The following HECW2 variants were observed in gnomAD, a reference collection of about 807,000 sequenced individuals.
HECW2 encodes the protein HECT, C2 and WW domain containing E3 ubiquitin protein ligase 2, also known as E3 ubiquitin-protein ligase HECW2.
A neutral mutation model predicts 175.2 loss-of-function variants in HECW2; 61 were observed. That is an observed-to-expected ratio of 0.35 (90% CI 0.28 to 0.43). HECW2 has a LOEUF of 0.43. Ranked by LOEUF, HECW2 falls within the 20% of genes least tolerant of loss-of-function variation. The probability of loss-of-function intolerance (pLI) is 1.00; values close to 1 mark genes in which losing one functional copy is unlikely to be tolerated. For synonymous variants in HECW2, 671 were observed against 731.0 expected (o/e 0.92, Z 1.32); for missense variants, 1,524 against 2,000.5 (o/e 0.76, Z 4.54).
At chr2:196,442,095 G>T (rs937492454) in intron 1 of HECW2, among the ~76,000 whole-genome samples, 2 of 151,754 alleles carry the variant, frequency 1.3e-5, no homozygotes, top group Non-Finnish European at 2.9e-5. Context: ...TCAAGATGTT[G>T]GTTTAGCTTT....
At chr2:196,349,421 G>A (rs1234233074) in intron 2 of HECW2, among the ~76,000 whole-genome samples, 3 of 152,040 alleles carry the variant, frequency 2.0e-5, no homozygotes, top group Non-Finnish European at 4.4e-5. Flanking sequence ...ATTTTGTTTG[G>A]TAGGCTTTAT....
intron 1 of HECW2, among the ~76,000 whole-genome samples, chr2:196,543,324 A>T (rs1028559453): frequency 1.3e-5 from 2 of 151,564 alleles, no homozygotes; most frequent in African/African-American, 4.8e-5. Flanking sequence ...GTAAAAAAAA[A>T]AAATGTTCTG....
chr2:196,474,896 T>C (rs1194418679), intron 1 of HECW2, among the ~76,000 whole-genome samples: 1 of 152,190 alleles, frequency 6.6e-6, no homozygotes, highest in Non-Finnish European at 1.5e-5. Context: ...GGCCCATTTA[T>C]TAGAATATGT....
chr2:196,270,638 A>C (rs1689692951), intron 17 of HECW2, among the ~76,000 whole-genome samples: 1 of 152,096 alleles, frequency 6.6e-6, no homozygotes, highest in Non-Finnish European at 1.5e-5. Context: ...GCTTGGCTTA[A>C]ATTTTTTTTT....
chr2:196,273,984 C>G (rs1224264314), intron 16 of HECW2, 37 bp downstream of exon 16: 3 of 1,458,606 alleles, frequency 2.1e-6, no homozygotes, highest in Non-Finnish European at 1.9e-6. Context: ...GATAATGGCA[C>G]AAAAGGACAG....
At position 196,307,929 on chromosome 2, in the gene HECW2, C is replaced by T; in HGVS notation, c.2585+6G>A. On this transcript the variant is annotated splice_donor_region_variant and intron_variant, in intron 11 of 28. Coordinates refer to ENST00000644978, the MANE Select transcript of HECW2 (RefSeq NM_001348768.2). ...ACAACAGTCACAGCAAAATGTTCAT[C>T]CTCACCGCCGGTTCAGCTGCTCCAT... 1 of 1,521,298 alleles carries T rather than the reference C, an allele frequency of 6.6e-7. No homozygotes were observed. The highest frequency in any genetic ancestry group is 8.9e-7 in the Non-Finnish European group (1 of 1,121,410). 94.2% of individuals were successfully genotyped at this position (1,521,298 alleles called of 1,614,324 possible). A position where few individuals can be genotyped will look rare whatever the true frequency, so the allele number is the denominator to read the frequency against.
At chr2:196,529,927 C>G (rs17185156) in intron 1 of HECW2, among the ~76,000 whole-genome samples, 12,586 of 152,256 alleles carry the variant, frequency 0.083, 593 homozygotes, top group Middle Eastern at 0.13. Context: ...CAAACAAAAT[C>G]CCACTCCTAC....
chr2:196,387,179 A>C (rs1000915350), intron 2 of HECW2, among the ~76,000 whole-genome samples: 9 of 152,172 alleles, frequency 5.9e-5, no homozygotes, highest in African/African-American at 2.2e-4. Flanking sequence ...CAATATTATA[A>C]GCAGGAAGAC....
intron 2 of HECW2, among the ~76,000 whole-genome samples, chr2:196,371,034 G>A (rs1291379000): frequency 6.6e-6 from 1 of 152,050 alleles, no homozygotes; most frequent in East Asian, 1.9e-4. Flanking sequence ...GTGTTTTTTT[G>A]TGTGTGGAGA....
In HECW2 at chr2:196,366,437, T is replaced by C. The variant is rs141818485; in HGVS notation, c.293-22673A>G. ...TCAGCATTGTGATCCATTACTTTCGTACACAAAAATAAATGACCCTCAGTT... is the reference window on the plus strand; with the variant it reads ...TCAGCATTGTGATCCATTACTTTCGCACACAAAAATAAATGACCCTCAGTT... On this transcript the variant is annotated intron_variant, in intron 2 of 28. Transcript: ENST00000644978. Among the ~76,000 whole-genome samples the C allele has an allele frequency of 6.6e-3, 999 of 152,320 alleles. 8 individuals are homozygous for C. The highest frequency in any genetic ancestry group is 0.02 in the Middle Eastern group (6 of 294).
At chr2:196,590,655 T>C (rs1305367264) in intron 1 of HECW2, among the ~76,000 whole-genome samples, 2 of 152,194 alleles carry the variant, frequency 1.3e-5, no homozygotes, top group Non-Finnish European at 2.9e-5. Flanking sequence ...GCAAGATCAT[T>C]TCATTGATGT....
At chr2:196,493,793 T>C (rs77049865) in intron 1 of HECW2, among the ~76,000 whole-genome samples, 21,238 of 152,154 alleles carry the variant, frequency 0.14, 1,553 homozygotes, top group Middle Eastern at 0.22. Context: ...CATTAGCTCC[T>C]AAATTTGGGG....
At chr2:196,242,060 G>A (rs745615090) in intron 20 of HECW2, 24 bp downstream of exon 20, 2 of 1,611,268 alleles carry the variant, frequency 1.2e-6, no homozygotes, top group South Asian at 1.1e-5. Flanking sequence ...TATACATTAT[G>A]TGGTTTGTGT....
chr2:196,499,758 A>T (rs1030402051), intron 1 of HECW2, among the ~76,000 whole-genome samples: 1 of 152,236 alleles, frequency 6.6e-6, no homozygotes, highest in African/African-American at 2.4e-5. Flanking sequence ...TAGTTCAGAA[A>T]GTACTTACTA....
chr2:196,454,420 T>C (rs1020632443), intron 1 of HECW2, among the ~76,000 whole-genome samples: 1 of 152,246 alleles, frequency 6.6e-6, no homozygotes, highest in African/African-American at 2.4e-5. Context: ...GTATGATGTA[T>C]ATACCATAAT....
chr2:196,307,716 C>G (rs909866379), intron 11 of HECW2, among the ~76,000 whole-genome samples: 1 of 151,994 alleles, frequency 6.6e-6, no homozygotes, highest in African/African-American at 2.4e-5. Flanking sequence ...TTTATTTGTT[C>G]TCTAGTTTCC....
intron 2 of HECW2, among the ~76,000 whole-genome samples, chr2:196,370,687 G>C (rs1337041583): frequency 6.6e-6 from 1 of 152,146 alleles, no homozygotes; most frequent in Non-Finnish European, 1.5e-5. Flanking sequence ...AGGCTTCCTG[G>C]GATTCAGGTT....
In HECW2 at chr2:196,398,155, A is replaced by G. The variant is rs1371616679; in HGVS notation, c.292+34977T>C. ...GGGAGTTAGGGGAAAATGGCCTGGG[A>G]AGTCAAAATGCATGCATGTGAGTAG... On this transcript the variant is annotated intron_variant, in intron 2 of 28. Transcript: ENST00000644978. Among the ~76,000 whole-genome samples, 2 of 151,756 alleles carry G rather than the reference A, an allele frequency of 1.3e-5. 1 individual carries two copies. The highest frequency in any genetic ancestry group is 2.9e-5 in the Non-Finnish European group (2 of 67,926).
intron 17 of HECW2, among the ~76,000 whole-genome samples, chr2:196,265,242 T>C (rs1689465242): frequency 6.6e-6 from 1 of 152,212 alleles, no homozygotes; most frequent in Admixed American, 6.5e-5. Context: ...CCCAACACTT[T>C]GGGAGGCCCA....
Sources: gnomAD v4.1 joint callset for allele counts (sites outside exome capture counted in the v4.1 genomes callset) on GRCh38, gnomAD v4.1.1 for gene constraint, MANE v1.5 for transcripts, NCBI Gene and HGNC (gene_info 2026-07-23, HGNC 2026-07-21) for gene names.